FBXL13: variants seen among roughly 807,000 people sequenced by gnomAD.
FBXL13 encodes the protein F-box and leucine rich repeat protein 13.
A neutral mutation model predicts 83.6 loss-of-function variants in FBXL13; 67 were observed. The observed-to-expected ratio is 0.80, with a 90% confidence interval of 0.66 to 0.98. The LOEUF (loss-of-function observed/expected upper bound fraction) is 0.98. Ranked by LOEUF, FBXL13 falls within the 50% of genes least tolerant of loss-of-function variation. The pLI is 0.00. For missense variants in FBXL13, 822 were observed against 866.5 expected, an observed-to-expected ratio of 0.95 and a Z score of 0.64; for synonymous variants, 272 against 299.5, an observed-to-expected ratio of 0.91 and a Z score of 0.95.
At chr7:102,897,683 C>G (rs1056184298) in intron 11 of FBXL13, among the ~76,000 whole-genome samples, 2 of 152,082 alleles carry the variant, frequency 1.3e-5, no homozygotes, top group East Asian at 3.8e-4. Context: ...AGTTCTTTTT[C>G]TTTCCTGCAC....
intron 8 of FBXL13, chr7:102,939,731 C>T: frequency 1.3e-6 from 1 of 754,358 alleles, no homozygotes; most frequent in Non-Finnish European, 2.0e-6. Flanking sequence ...GACACTTATA[C>T]TAGGAGTTGT....
intron 6 of FBXL13, among the ~76,000 whole-genome samples, chr7:103,016,403 T>G (rs1792325384): frequency 6.6e-6 from 1 of 150,930 alleles, no homozygotes; most frequent in Non-Finnish European, 1.5e-5. Flanking sequence ...AGAAGACGGG[T>G]GATTTCTGCA....
In FBXL13 at chr7:102,822,175, G is replaced by A. The variant is rs367643559; in HGVS notation, c.1883C>T (p.Ser628Leu). The change falls in exon 19 of 20, where the codon TCG becomes TTG. Residue 628 changes from serine to leucine, a missense_variant. Physicochemically the swap from Ser to Leu is moderately radical, Grantham distance 145 (BLOSUM62 -2). Transcript: ENST00000313221. Reference sequence around the variant, plus strand: ...AATGTGCAGGTAATGGCATTTTGCCGATAACATCTCCATTGCTGAGTCAGT... The same window carrying A: ...AATGTGCAGGTAATGGCATTTTGCCAATAACATCTCCATTGCTGAGTCAGT... 1.4e-4 allele frequency: 225 copies of A among 1,614,080 alleles called. No homozygotes were observed. The highest frequency in any genetic ancestry group is 3.3e-4 in the Middle Eastern group (2 of 6,062).
At chr7:102,829,057 A>G (rs2129446904) in intron 18 of FBXL13, among the ~76,000 whole-genome samples, 1 of 152,336 alleles carries the variant, frequency 6.6e-6, no homozygotes, top group Non-Finnish European at 1.5e-5. Context: ...CCCTAGAAAC[A>G]GGACATCTTT....
chr7:103,015,911 A>G (rs113130015), intron 6 of FBXL13, among the ~76,000 whole-genome samples: 1,891 of 152,312 alleles, frequency 0.012, 41 homozygotes, highest in African/African-American at 0.043. Context: ...CACAAAAAAG[A>G]ATAAAATAAA....
chr7:102,878,368 GCA>G lies in FBXL13; in HGVS notation c.1469_1470del (p.Val490AlafsTer4), dbSNP rs769694392. 10 of 1,608,642 alleles carry G rather than the reference GCA, an allele frequency of 6.2e-6. No individual in the cohort carries two copies. The highest frequency in any genetic ancestry group is 8.5e-6 in the Non-Finnish European group (10 of 1,177,392). On this transcript the variant is annotated frameshift_variant, in exon 15 of 20. Transcript: ENST00000313221. LOFTEE classifies it high-confidence loss of function. ...TTCATAACAGAGGCATCACTTAGCC[GCA>G]CACAGTTGCTTAAATTTAGCTCTCT...
intron 8 of FBXL13, among the ~76,000 whole-genome samples, chr7:102,946,161 C>T (rs1271661063): frequency 6.6e-6 from 1 of 152,194 alleles, no homozygotes; most frequent in African/African-American, 2.4e-5. Context: ...GGATTACAGG[C>T]GTGAGCCACA....
In FBXL13 at chr7:103,025,200, A is replaced by AT. The variant is rs779744290; in HGVS notation, c.357dup (p.Trp120MetfsTer4). On this transcript the variant is annotated frameshift_variant, in exon 6 of 20. Coordinates refer to ENST00000313221, the Ensembl canonical transcript of FBXL13. LOFTEE classifies it high-confidence loss of function. ...CTTTTGAGTATTAACCTATTTTTCC[A>AT]TTTTTTCAATTGAAGTTCATGTTTT... 6.3e-7 allele frequency: 1 copy of AT among 1,581,106 alleles called. No individual in the cohort carries two copies. The highest frequency in any genetic ancestry group is 8.6e-7 in the Non-Finnish European group (1 of 1,160,452).
At chr7:102,917,716 T>C (rs10156027) in intron 10 of FBXL13, among the ~76,000 whole-genome samples, 1,868 of 152,246 alleles carry the variant, frequency 0.012, 42 homozygotes, top group African/African-American at 0.043. Flanking sequence ...AAAGACATGA[T>C]AGGAAGATTG....
At chr7:102,860,551 T>C (rs981602759) in intron 16 of FBXL13, among the ~76,000 whole-genome samples, 2 of 152,142 alleles carry the variant, frequency 1.3e-5, no homozygotes, top group African/African-American at 4.8e-5. Flanking sequence ...AACAGACACA[T>C]GCACACAGAC....
intron 1 of FBXL13, among the ~76,000 whole-genome samples, chr7:103,073,406 C>T (rs1395152399): frequency 6.6e-6 from 1 of 151,934 alleles, no homozygotes. Context: ...TCAATTGAGC[C>T]CAGGAGTTTG....
chr7:102,921,721 G>A (rs527875461), intron 10 of FBXL13, among the ~76,000 whole-genome samples: 1 of 152,170 alleles, frequency 6.6e-6, no homozygotes, highest in East Asian at 1.9e-4. Flanking sequence ...TCTGTTTTAA[G>A]CATCCACGGA....
At position 103,034,391 on chromosome 7, in the gene FBXL13, C is replaced by T. The variant is rs970211107; in HGVS notation, c.1-4973G>A. Among the ~76,000 whole-genome samples the T allele has an allele frequency of 5.3e-5, 8 of 152,320 alleles. No individual in the cohort carries two copies. The East Asian group carries it at 5.8e-4, about 11-fold the overall frequency. On this transcript the variant is annotated intron_variant, in intron 2 of 19. Coordinates refer to ENST00000313221, the Ensembl canonical transcript of FBXL13. ...ACTGCAGGTCCTGAGCCCTGCCCCA[C>T]GGGAAGGCAGCTAAAGCCCAGCGAG...
Position 102,899,908 on chromosome 7 carries a change from G to A in FBXL13, c.1008+13178C>T, listed in dbSNP as rs868572852. Among the ~76,000 whole-genome samples, 8 of 151,916 alleles carry A rather than the reference G, an allele frequency of 5.3e-5. No individual in the cohort carries two copies. The East Asian group carries it at 7.7e-4, about 15-fold the overall frequency. Reference sequence around the variant, plus strand: ...AATAAAATACAAAAATTAGCTGGGCGTGGTGGTGCATGCCTGTAATCCCAG... The same window carrying A: ...AATAAAATACAAAAATTAGCTGGGCATGGTGGTGCATGCCTGTAATCCCAG... On this transcript the variant is annotated intron_variant, in intron 11 of 19. Coordinates refer to ENST00000313221, the Ensembl canonical transcript of FBXL13.
At chr7:102,864,609 T>A (rs978506976) in intron 16 of FBXL13, among the ~76,000 whole-genome samples, 10 of 152,224 alleles carry the variant, frequency 6.6e-5, no homozygotes, top group Admixed American at 3.9e-4. Flanking sequence ...CCTCAGGTAA[T>A]CCACCCTCCT....
exon 1 of FBXL13, chr7:103,074,313 CATA>C: frequency 9.8e-7 from 1 of 1,019,514 alleles, no homozygotes; most frequent in Non-Finnish European, 1.2e-6. Context: ...CAACATTCTT[CATA>C]ATGCCAGTCT....
At chr7:102,880,681 T>G (rs1350235247) in intron 14 of FBXL13, among the ~76,000 whole-genome samples, 1 of 152,204 alleles carries the variant, frequency 6.6e-6, no homozygotes, top group Non-Finnish European at 1.5e-5. Flanking sequence ...CATGGTGACT[T>G]ATATCTTTGT....
Position 102,964,404 on chromosome 7 carries a change from A to AT in FBXL13, c.592-740dup, listed in dbSNP as rs1554482400. Among the ~76,000 whole-genome samples, 1,136 of 143,286 alleles carry AT rather than the reference A, an allele frequency of 7.9e-3. 5 individuals are homozygous for AT. Among genetic ancestry groups the AT allele is most frequent in the African/African-American group, 0.014 (533 of 37,848 alleles). 94.0% of individuals were successfully genotyped at this position (143,286 alleles called of 152,430 possible). A position where few individuals can be genotyped will look rare whatever the true frequency, so the allele number is the denominator to read the frequency against. On this transcript the variant is annotated intron_variant, in intron 7 of 19. Coordinates refer to ENST00000313221, the Ensembl canonical transcript of FBXL13. ...CAATTTTGTGACTATATATATATAT[A>AT]TTTTTTTTTTTTTTTCCAGACTGAG...
intron 17 of FBXL13, among the ~76,000 whole-genome samples, chr7:102,850,002 T>C (rs1485383173): frequency 6.6e-6 from 1 of 152,010 alleles, no homozygotes; most frequent in Non-Finnish European, 1.5e-5. Context: ...TGTTTTGTTT[T>C]GTTTTTTTAG....
Sources: allele counts gnomAD v4.1 joint callset (sites outside exome capture counted in the v4.1 genomes callset), GRCh38; gene constraint gnomAD v4.1.1; transcripts MANE v1.5; gene names NCBI Gene and HGNC (gene_info 2026-07-23, HGNC 2026-07-21).